MMEL1: variants seen among roughly 807,000 people sequenced by gnomAD.
MMEL1 encodes the protein membrane metallo-endopeptidase-like 1.
A neutral mutation model predicts 117.1 loss-of-function variants in MMEL1; 98 were observed. The observed-to-expected ratio is 0.84, with a 90% CI of 0.71 to 0.99. MMEL1 has a LOEUF of 0.99. MMEL1 is among the 50% of genes least tolerant of loss of function. The pLI, the probability that MMEL1 is intolerant of heterozygous loss-of-function variation, is 0.00. For missense variants in MMEL1, 1,014 were observed against 1,049.1 expected (o/e 0.97, Z 0.46); for synonymous variants, 390 against 415.1 (o/e 0.94, Z 0.74).
chr1:2,625,941 G>C (rs1271895437), intron 2 of MMEL1, among the ~76,000 whole-genome samples: 1 of 151,962 alleles, frequency 6.6e-6, no homozygotes, highest in Non-Finnish European at 1.5e-5. Context: ...GACAGAGGAA[G>C]AGAAGACTAG....
In MMEL1 at chr1:2,593,943, A is replaced by G. The variant is rs1644788171; in HGVS notation, c.1748-10T>C. ...ATCCCGGCAGGGAATACTGTCCCCA[A>G]GGGCGGGACAAAGAATAAGCTGTGA... is the stretch of plus-strand genomic sequence containing the variant. On this transcript the variant is annotated splice_polypyrimidine_tract_variant and intron_variant, in intron 18 of 23. Transcript: ENST00000378412. 6.3e-7 allele frequency: 1 copy of G among 1,591,192 alleles called. No homozygotes were observed. Among genetic ancestry groups the G allele is most frequent in the Non-Finnish European group, 8.6e-7 (1 of 1,168,720 alleles).
chr1:2,626,568 G>A (rs1269089068), intron 2 of MMEL1, among the ~76,000 whole-genome samples: 1 of 152,258 alleles, frequency 6.6e-6, no homozygotes, highest in Non-Finnish European at 1.5e-5. Context: ...ACAAAAAGAA[G>A]CAAGGGGCCA....
At chr1:2,632,047 A>G (rs1010787342) in intron 1 of MMEL1, among the ~76,000 whole-genome samples, 1 of 151,668 alleles carries the variant, frequency 6.6e-6, no homozygotes, top group African/African-American at 2.4e-5. Context: ...CCCTCTCACT[A>G]TGCCCTCCCC....
chr1:2,612,210 G>C lies in MMEL1; in HGVS notation c.155-6C>G. 6.4e-7 allele frequency: 1 copy of C among 1,565,004 alleles called. No individual in the cohort carries two copies. Among genetic ancestry groups the C allele is most frequent in the Non-Finnish European group, 8.7e-7 (1 of 1,153,844 alleles). ...AAGGCGTGGCAGCTGCTTCCCTGGG[G>C]AGAAACACAGCGCTCAGCTGCGGCC... On this transcript the variant is annotated splice_polypyrimidine_tract_variant and splice_region_variant and intron_variant, in intron 2 of 23. Coordinates refer to ENST00000378412, the MANE Select transcript of MMEL1 (RefSeq NM_033467.4). This position sits in a 1 kb window ranked among gnomAD's most constrained non-coding sequence, Gnocchi z 5.4.
chr1:2,616,513 C>A (rs150937111), intron 2 of MMEL1, among the ~76,000 whole-genome samples: 1 of 151,972 alleles, frequency 6.6e-6, no homozygotes, highest in African/African-American at 2.4e-5. Context: ...AATTCTATAC[C>A]CAGCAAAAAC....
At position 2,603,985 on chromosome 1, in the gene MMEL1, A is replaced by T; in HGVS notation, c.952-12T>A. 1 of 1,613,224 alleles carries T rather than the reference A, an allele frequency of 6.2e-7. No individual in the cohort carries two copies. On this transcript the variant is annotated splice_polypyrimidine_tract_variant and intron_variant, in intron 10 of 23. Coordinates refer to ENST00000378412, the MANE Select transcript of MMEL1 (RefSeq NM_033467.4). ...TGGGGTACCGTGGCCTGTGCCGGGGATAGCAGTCACACGGGCGGGTGGCCA... is the reference window on the plus strand; with the variant it reads ...TGGGGTACCGTGGCCTGTGCCGGGGTTAGCAGTCACACGGGCGGGTGGCCA...
In MMEL1 at chr1:2,632,919, T is replaced by A; in HGVS notation, c.-91A>T. ...CACAGTCAGGCCCCTGGAGACTGGG[T>A]CCCAGTGGGTTGGAGTTGGGGTGAG... is the stretch of plus-strand genomic sequence containing the variant. On this transcript the variant is annotated 5_prime_UTR_variant, in exon 1 of 24. Coordinates refer to ENST00000378412, the MANE Select transcript of MMEL1 (RefSeq NM_033467.4). 3.0e-6 allele frequency: 3 copies of A among 985,578 alleles called. No individual in the cohort carries two copies. The highest frequency in any genetic ancestry group is 3.6e-6 in the Non-Finnish European group (3 of 830,058). 61.1% of individuals were successfully genotyped at this position (985,578 alleles called of 1,614,324 possible). A position where few individuals can be genotyped will look rare whatever the true frequency, so the allele number is the denominator to read the frequency against.
In MMEL1 at chr1:2,622,053, G is replaced by A. The variant is rs149330048; in HGVS notation, c.154+7278C>T. Among the ~76,000 whole-genome samples, 178 of 152,236 alleles carry A rather than the reference G, an allele frequency of 1.2e-3. 2 individuals are homozygous for A. Among genetic ancestry groups the A allele is most frequent in the African/African-American group, 3.9e-3 (162 of 41,538 alleles). On this transcript the variant is annotated intron_variant, in intron 2 of 23. Coordinates refer to ENST00000378412, the MANE Select transcript of MMEL1 (RefSeq NM_033467.4). ...AGTTTGACTCTTGTCATTGACAAGAGGGTCTGATTCAGTTGGCATCTAGAT... is the reference window on the plus strand; with the variant it reads ...AGTTTGACTCTTGTCATTGACAAGAAGGTCTGATTCAGTTGGCATCTAGAT...
chr1:2,602,361 C>T (rs1436210404), intron 11 of MMEL1, among the ~76,000 whole-genome samples: 3 of 152,160 alleles, frequency 2.0e-5, no homozygotes, highest in Non-Finnish European at 4.4e-5. Flanking sequence ...GTCCCCAAAC[C>T]CTGGGCTCCT....
rs1645097782 is a variant in MMEL1, at chr1:2,609,787, C to A, written c.337G>T (p.Asp113Tyr). The stretch of plus-strand genomic sequence containing the variant: ...CCGCATGCAAACTGGTAGAAGTCGT[C>A]ACACGGTTCCGTGGTCGGGTCCATG... ...QNMDPTTEPCDDFYQFACGGW... is the reference protein window; with the variant it reads ...QNMDPTTEPCYDFYQFACGGW... Residue 113 changes from aspartate to tyrosine, a missense_variant, in exon 5 of 24, where the codon GAC becomes TAC. Transcript: ENST00000378412. The A allele has an allele frequency of 1.2e-6, 2 of 1,613,688 alleles. No homozygotes were observed. Among genetic ancestry groups the A allele is most frequent in the Non-Finnish European group, 1.7e-6 (2 of 1,179,872 alleles).
At chr1:2,596,442 G>T in intron 14 of MMEL1, 119 bp downstream of exon 14, 1 of 1,408,900 alleles carries the variant, frequency 7.1e-7, no homozygotes, top group Non-Finnish European at 9.6e-7. Flanking sequence ...GCCTCCCTCT[G>T]TCTGGTGAGC....
At chr1:2,592,778 G>T in intron 20 of MMEL1, 55 bp downstream of exon 20, 2 of 1,611,318 alleles carry the variant, frequency 1.2e-6, no homozygotes, top group Non-Finnish European at 8.5e-7. Context: ...CTCCCTCAGG[G>T]CCAGGGCTGG....
At chr1:2,606,432 G>C in intron 7 of MMEL1, 66 bp from the exon 8 acceptor site, 1 of 1,268,904 alleles carries the variant, frequency 7.9e-7, no homozygotes, top group South Asian at 1.2e-5. Context: ...CCCCTTGTCG[G>C]TGAATCTGGC....
At chr1:2,611,434 G>A (rs2100949965) in intron 3 of MMEL1, 94 bp from the exon 4 acceptor site, 2 of 550,828 alleles carry the variant, frequency 3.6e-6, no homozygotes, top group Non-Finnish European at 5.7e-6. Context: ...GGTGGGTGTG[G>A]CATGGGGATG....
In MMEL1 at chr1:2,612,285, G is replaced by A. The variant is rs1261181776; in HGVS notation, c.155-81C>T. 11 of 1,193,340 alleles carry A rather than the reference G, an allele frequency of 9.2e-6. No homozygotes were observed. The highest frequency in any genetic ancestry group is 7.6e-5 in the East Asian group (3 of 39,364). The allele number at this position is 1,193,340 out of a possible 1,614,324, so 73.9% of individuals were successfully genotyped here. On this transcript the variant is annotated intron_variant, in intron 2 of 23. Coordinates refer to ENST00000378412, the MANE Select transcript of MMEL1 (RefSeq NM_033467.4). The surrounding 1 kb of genome is among the most constrained non-coding windows in gnomAD (Gnocchi z 5.4). ...GCTGGGGGCCTCCCTGGGTCAGCAC[G>A]CCATCTTCCCACAGTGCTGGGTGCT...
intron 14 of MMEL1, 79 bp from the exon 15 acceptor site, chr1:2,596,186 T>C: frequency 7.5e-7 from 1 of 1,340,096 alleles, no homozygotes; most frequent in Non-Finnish European, 1.0e-6. Flanking sequence ...TGGGGAGGTC[T>C]GGTCTGAGCC....
chr1:2,623,160 C>T (rs937842337), intron 2 of MMEL1, among the ~76,000 whole-genome samples: 10 of 149,928 alleles, frequency 6.7e-5, no homozygotes, highest in Admixed American at 3.3e-4. Flanking sequence ...AGAGTGACTC[C>T]GTCTAAAAAA....
intron 9 of MMEL1, among the ~76,000 whole-genome samples, chr1:2,604,870 C>T (rs1644996688): frequency 6.6e-6 from 1 of 152,172 alleles, no homozygotes; most frequent in Non-Finnish European, 1.5e-5. Flanking sequence ...CACTCCAGTC[C>T]CTCCTGCTCT....
intron 2 of MMEL1, among the ~76,000 whole-genome samples, chr1:2,623,177 A>G (rs1325361632): frequency 6.6e-6 from 1 of 152,308 alleles, no homozygotes; most frequent in East Asian, 1.9e-4. Context: ...AAAAAAAAAA[A>G]AACCAAGTTC....
Sources: gnomAD v4.1 joint callset for allele counts (sites outside exome capture counted in the v4.1 genomes callset) on GRCh38, gnomAD v4.1.1 for gene constraint, Gnocchi (gnomAD v3.1) non-coding constraint, MANE v1.5 for transcripts, NCBI Gene and HGNC (gene_info 2026-07-23, HGNC 2026-07-21) for gene names.